The following N4BP2L2 variants were observed in gnomAD, a reference collection of about 807,000 sequenced individuals.
The protein encoded by N4BP2L2 is NEDD4 binding protein 2 like 2, also known as NEDD4-binding protein 2-like 2.
Under a neutral mutation model 56.2 loss-of-function variants are expected in N4BP2L2, and 50 were observed. The observed-to-expected ratio is 0.89, with a 90% confidence interval of 0.71 to 1.13. The LOEUF is 1.13. Ranked by LOEUF, N4BP2L2 falls within the 50% of genes most tolerant of loss-of-function variation. N4BP2L2 has a pLI of 0.00. For synonymous variants in N4BP2L2, 203 were observed against 223.6 expected (o/e 0.91, Z 0.82); for missense variants, 689 against 693.8 (o/e 0.99, Z 0.08).
At chr13:32,473,314 G>T (rs1250439908) in intron 6 of N4BP2L2, among the ~76,000 whole-genome samples, 1 of 151,734 alleles carries the variant, frequency 6.6e-6, no homozygotes, top group Non-Finnish European at 1.5e-5. Context: ...TTTATTATAT[G>T]TTGAAATAAT....
At chr13:32,452,011 C>A (rs1357097212) in intron 6 of N4BP2L2, among the ~76,000 whole-genome samples, 4 of 151,850 alleles carry the variant, frequency 2.6e-5, no homozygotes, top group African/African-American at 9.7e-5. Context: ...GCATAATTTT[C>A]CGGAGAAAAG....
chr13:32,460,343 T>C (rs2079814495), intron 6 of N4BP2L2, among the ~76,000 whole-genome samples: 2 of 152,080 alleles, frequency 1.3e-5, no homozygotes, highest in Admixed American at 6.5e-5. Context: ...AGCATCCAAA[T>C]TGAAAAAGAG....
intron 6 of N4BP2L2, among the ~76,000 whole-genome samples, chr13:32,497,565 A>C (rs1055636191): frequency 1.5e-4 from 23 of 152,200 alleles, no homozygotes; most frequent in African/African-American, 5.1e-4. Context: ...AAACTGGATC[A>C]ACCAAGAGAT....
exon 7 of N4BP2L2, chr13:32,443,173 G>A: frequency 6.2e-7 from 1 of 1,613,924 alleles, no homozygotes; most frequent in Non-Finnish European, 8.5e-7. Context: ...TGAATCCATA[G>A]TTTCAGGTGG....
chr13:32,522,174 A>G lies in N4BP2L2; in HGVS notation c.1473+8T>C. 1 of 1,500,972 alleles carries G rather than the reference A, an allele frequency of 6.7e-7. No homozygotes were observed. Among genetic ancestry groups the G allele is most frequent in the Non-Finnish European group, 9.1e-7 (1 of 1,104,426 alleles). 93.0% of individuals were successfully genotyped at this position (1,500,972 alleles called of 1,614,324 possible). On this transcript the variant is annotated splice_region_variant and intron_variant, in intron 4 of 5. Coordinates refer to ENST00000267068, the Ensembl canonical transcript of N4BP2L2. ...AAAAATAAAAACTTTCTCATGTTTCATATTTACCACTTCCACATATGGCTT... is the reference window on the plus strand; with the variant it reads ...AAAAATAAAAACTTTCTCATGTTTCGTATTTACCACTTCCACATATGGCTT...
chr13:32,483,601 C>G (rs1030197711), intron 6 of N4BP2L2, among the ~76,000 whole-genome samples: 1 of 152,208 alleles, frequency 6.6e-6, no homozygotes, highest in African/African-American at 2.4e-5. Flanking sequence ...TTTATTTATA[C>G]TTACTGTATG....
Position 32,527,590 on chromosome 13 carries a change from A to G in N4BP2L2, c.1260-58T>C, listed in dbSNP as rs1594081537. On this transcript the variant is annotated intron_variant, in intron 2 of 5. Coordinates refer to ENST00000267068, the Ensembl canonical transcript of N4BP2L2. ...TACAAAATCTATAACCATCAGAAAT[A>G]AACTATCAGAAATAAATATAACCAA... The G allele has an allele frequency of 3.3e-6, 5 of 1,534,336 alleles. No individual in the cohort carries two copies. In the East Asian group the frequency reaches 1.1e-4, roughly 35 times the overall value.
chr13:32,447,822 G>C (rs971654433), intron 6 of N4BP2L2, among the ~76,000 whole-genome samples: 1 of 151,520 alleles, frequency 6.6e-6, no homozygotes, highest in Non-Finnish European at 1.5e-5. Context: ...TTTCTCCTAA[G>C]TCTGCTTTCT....
At chr13:32,507,383 C>CA (rs1462006017), downstream of N4BP2L2, 2 of 152,038 alleles carry the variant, frequency 1.3e-5, no homozygotes, top group Non-Finnish European at 2.9e-5. Flanking sequence ...CCATTAGGTA[C>CA]AAAAATCAAT....
chr13:32,461,371 A>T (rs2080037360), intron 6 of N4BP2L2, among the ~76,000 whole-genome samples: 1 of 152,234 alleles, frequency 6.6e-6, no homozygotes, highest in East Asian at 1.9e-4. Flanking sequence ...ATCTTATGAC[A>T]AGGGACTAAT....
chr13:32,472,501 T>G (rs1393943753), intron 6 of N4BP2L2, among the ~76,000 whole-genome samples: 2 of 152,162 alleles, frequency 1.3e-5, no homozygotes, highest in Non-Finnish European at 2.9e-5. Context: ...TCTAAACAGC[T>G]GACCAAGGAA....
chr13:32,473,112 C>G (rs1390624037), intron 6 of N4BP2L2, among the ~76,000 whole-genome samples: 1 of 151,932 alleles, frequency 6.6e-6, no homozygotes, highest in African/African-American at 2.4e-5. Flanking sequence ...GAAACCCCAT[C>G]TCTACTAAAA....
At chr13:32,477,478 G>T in intron 6 of N4BP2L2, 1 of 198,014 alleles carries the variant, frequency 5.1e-6, no homozygotes, top group South Asian at 1.0e-4. Context: ...GACCAAAGAG[G>T]TTATAGAAGA....
intron 7 of N4BP2L2, chr13:32,438,880 G>A: frequency 1.6e-6 from 1 of 609,084 alleles, no homozygotes; most frequent in Non-Finnish European, 2.9e-6. Flanking sequence ...GTCTAAAGCT[G>A]GAGTTTGTCT....
At chr13:32,538,072 G>C (rs971323182) in intron 1 of N4BP2L2, among the ~76,000 whole-genome samples, 2 of 124,516 alleles carry the variant, frequency 1.6e-5, no homozygotes, top group African/African-American at 6.3e-5. Flanking sequence ...CCCCGTCTTG[G>C]GGGGGGGGGG....
In N4BP2L2 at chr13:32,536,998, G is replaced by GA. The variant is rs1159494584; in HGVS notation, c.29dup (p.Pro13ThrfsTer2). On this transcript the variant is annotated frameshift_variant, in exon 2 of 6. Coordinates refer to ENST00000267068, the Ensembl canonical transcript of N4BP2L2. LOFTEE classifies it high-confidence loss of function. ...TCGTTACTTCTTCTCTAGGTCCCAA[G>GA]AATTTACCTTCAATTTCACCATAAG... The GA allele has an allele frequency of 6.3e-7, 1 of 1,582,310 alleles. No homozygotes were observed. The highest frequency in any genetic ancestry group is 1.8e-5 in the Admixed American group (1 of 55,140).
intron 6 of N4BP2L2, among the ~76,000 whole-genome samples, chr13:32,464,864 C>T (rs371572891): frequency 6.6e-6 from 1 of 152,062 alleles, no homozygotes; most frequent in Non-Finnish European, 1.5e-5. Flanking sequence ...AGTAATAAAA[C>T]TAATACAAAT....
At chr13:32,441,596 A>AT (rs1307193752) in intron 7 of N4BP2L2, among the ~76,000 whole-genome samples, 1 of 151,920 alleles carries the variant, frequency 6.6e-6, no homozygotes, top group Non-Finnish European at 1.5e-5. Context: ...AGGCAGGAGA[A>AT]TTGCTTGAAC....
At chr13:32,518,086 A>G in intron 5 of N4BP2L2, 83 bp from the exon 6 acceptor site, 2 of 1,205,248 alleles carry the variant, frequency 1.7e-6, no homozygotes, top group Non-Finnish European at 2.3e-6. Flanking sequence ...AAAAGCACAC[A>G]AATTCTAAAT....
Sources: gnomAD v4.1 joint callset for allele counts (sites outside exome capture counted in the v4.1 genomes callset) on GRCh38, gnomAD v4.1.1 for gene constraint, MANE v1.5 for transcripts, NCBI Gene and HGNC (gene_info 2026-07-23, HGNC 2026-07-21) for gene names.